The following IL1RAPL1 variants were observed in gnomAD, a reference collection of about 807,000 sequenced individuals.
IL1RAPL1 encodes the protein interleukin 1 receptor accessory protein like 1.
Under a neutral mutation model 48.4 loss-of-function variants are expected in IL1RAPL1, and 3 were observed. That is an observed-to-expected ratio of 0.06 (90% CI 0.03 to 0.16). The LOEUF (loss-of-function observed/expected upper bound fraction) is 0.16, where lower values mean the gene tolerates loss of function less well. IL1RAPL1 is among the 10% of genes least tolerant of loss of function. The pLI is 1.00. For missense variants in IL1RAPL1, 349 were observed against 530.6 expected, an observed-to-expected ratio of 0.66 and a Z score of 3.36; for synonymous variants, 185 against 187.7, an observed-to-expected ratio of 0.99 and a Z score of 0.12.
chrX:29,404,236 G>A (rs1373542654), intron 5 of IL1RAPL1, among the ~76,000 whole-genome samples: 1 of 111,463 alleles, frequency 9.0e-6, no homozygotes, highest in South Asian at 3.7e-4. Flanking sequence ...TCTGCCTTCC[G>A]AATCCCTGGA....
At chrX:28,786,688 C>T (rs1044418124) in intron 1 of IL1RAPL1, among the ~76,000 whole-genome samples, 2 of 111,818 alleles carry the variant, frequency 1.8e-5, no homozygotes, top group Admixed American at 1.9e-4. Context: ...GCTCATTCTG[C>T]ATAAGGTTTA....
At chrX:29,624,531 G>T (rs1924558881) in intron 5 of IL1RAPL1, among the ~76,000 whole-genome samples, 1 of 111,868 alleles carries the variant, frequency 8.9e-6, no homozygotes, top group African/African-American at 3.3e-5. Context: ...TCACACATTT[G>T]ATTTTTAAGT....
At chrX:29,493,123 T>A (rs2147754887) in intron 5 of IL1RAPL1, among the ~76,000 whole-genome samples, 1 of 112,108 alleles carries the variant, frequency 8.9e-6, no homozygotes, top group East Asian at 2.8e-4. Context: ...AGAAAAAGAT[T>A]GAGGGTCCAG....
chrX:29,585,897 T>G (rs1923140652), intron 5 of IL1RAPL1, among the ~76,000 whole-genome samples: 1 of 111,157 alleles, frequency 9.0e-6, no homozygotes. Flanking sequence ...TTTGTTTGTT[T>G]GCTATTGAGT....
intron 1 of IL1RAPL1, among the ~76,000 whole-genome samples, chrX:28,672,729 G>C (rs1361852090): frequency 9.0e-6 from 1 of 111,252 alleles, no homozygotes; most frequent in East Asian, 2.8e-4. Context: ...GTCCTGCTTG[G>C]ATTGCCTTAT....
At chrX:29,525,506 G>A (rs1336297111) in intron 5 of IL1RAPL1, among the ~76,000 whole-genome samples, 3 of 111,957 alleles carry the variant, frequency 2.7e-5, no homozygotes, top group African/African-American at 9.7e-5. Flanking sequence ...GAGGCAGGGT[G>A]CCATGCTATG....
intron 2 of IL1RAPL1, among the ~76,000 whole-genome samples, chrX:29,205,753 G>T (rs1930652518): frequency 9.3e-6 from 1 of 108,069 alleles, no homozygotes; most frequent in African/African-American, 3.4e-5. Flanking sequence ...TATTTTTTTT[G>T]AGATGGAGTC....
intron 2 of IL1RAPL1, among the ~76,000 whole-genome samples, chrX:29,064,642 C>T (rs1001822506): frequency 5.4e-5 from 6 of 111,237 alleles, no homozygotes; most frequent in South Asian, 7.6e-4. Context: ...AGTGCAGTGG[C>T]GCGATCTCGG....
intron 2 of IL1RAPL1, among the ~76,000 whole-genome samples, chrX:29,127,915 G>A (rs1652469217): frequency 9.3e-6 from 1 of 108,041 alleles, no homozygotes; most frequent in African/African-American, 3.4e-5. Context: ...AGTGAGCTGA[G>A]ATTGTGCCAC....
Position 28,780,320 on chromosome X carries a change from A to AGTGT in IL1RAPL1, c.-24-8991_-24-8988dup, listed in dbSNP as rs200810098. Among the ~76,000 whole-genome samples, 271 of 82,620 alleles carry AGTGT rather than the reference A, an allele frequency of 3.3e-3. 2 individuals carry two copies. Among genetic ancestry groups the AGTGT allele is most frequent in the Admixed American group, 5.1e-3 (38 of 7,404 alleles). The allele number at this position is 82,620 out of a possible 115,157, so 71.7% of individuals were successfully genotyped here. ...GTATACATTTCATTCTTTCAATCAC[A>AGTGT]GTGTGTGTGTGTATGTGTGTGTGTG... On this transcript the variant is annotated intron_variant, in intron 1 of 10. Coordinates refer to ENST00000378993, the MANE Select transcript of IL1RAPL1 (RefSeq NM_014271.4).
At chrX:29,570,249 A>G (rs1922551054) in intron 5 of IL1RAPL1, among the ~76,000 whole-genome samples, 1 of 112,660 alleles carries the variant, frequency 8.9e-6, no homozygotes, top group South Asian at 3.6e-4. Flanking sequence ...AATTGTTCGT[A>G]CATCTACATA....
At chrX:29,657,832 T>TG (rs1203861134) in intron 5 of IL1RAPL1, among the ~76,000 whole-genome samples, 10 of 109,643 alleles carry the variant, frequency 9.1e-5, no homozygotes, top group African/African-American at 3.3e-4. Context: ...CTGTTTTTTT[T>TG]TTTTTTTTTT....
At chrX:29,005,775 T>C (rs1360738445) in intron 2 of IL1RAPL1, among the ~76,000 whole-genome samples, 3 of 111,795 alleles carry the variant, frequency 2.7e-5, no homozygotes, top group Non-Finnish European at 5.6e-5. Flanking sequence ...ACCATCAAAC[T>C]TTCACTTCTG....
intron 5 of IL1RAPL1, among the ~76,000 whole-genome samples, chrX:29,457,410 G>A (rs1934752822): frequency 9.0e-6 from 1 of 110,834 alleles, no homozygotes; most frequent in South Asian, 3.8e-4. Context: ...TCAAAGTTTA[G>A]CTCCCATTTA....
intron 5 of IL1RAPL1, among the ~76,000 whole-genome samples, chrX:29,407,758 T>C (rs1261711295): frequency 8.9e-6 from 1 of 111,994 alleles, no homozygotes; most frequent in Non-Finnish European, 1.9e-5. Context: ...CCGAATTGAC[T>C]GTAGGGAGGA....
At chrX:28,820,042 C>T (rs1242077597) in intron 2 of IL1RAPL1, among the ~76,000 whole-genome samples, 5 of 79,012 alleles carry the variant, frequency 6.3e-5, no homozygotes, top group African/African-American at 2.2e-4. Flanking sequence ...AATGAAAGAA[C>T]ATTTAATGGA....
At chrX:29,113,736 C>A (rs1200736126) in intron 2 of IL1RAPL1, among the ~76,000 whole-genome samples, 1 of 111,397 alleles carries the variant, frequency 9.0e-6, no homozygotes, top group Non-Finnish European at 1.9e-5. Flanking sequence ...TGTATCTTGA[C>A]ATCTTGGTTT....
At chrX:28,797,588 C>A (rs1047080059) in intron 2 of IL1RAPL1, among the ~76,000 whole-genome samples, 2 of 111,789 alleles carry the variant, frequency 1.8e-5, no homozygotes, top group East Asian at 5.6e-4. Context: ...CAGTTCCCAA[C>A]AAGTTCCTCA....
chrX:28,625,364 T>C (rs956206920), intron 1 of IL1RAPL1, among the ~76,000 whole-genome samples: 2 of 111,223 alleles, frequency 1.8e-5, no homozygotes, highest in Non-Finnish European at 3.8e-5. Flanking sequence ...CCACACAGAG[T>C]AGAGAGGCAG....
Sources: gnomAD v4.1 joint callset for allele counts (sites outside exome capture counted in the v4.1 genomes callset) on GRCh38, gnomAD v4.1.1 for gene constraint, MANE v1.5 for transcripts, NCBI Gene and HGNC (gene_info 2026-07-23, HGNC 2026-07-21) for gene names.